The following SKIL variants were observed in gnomAD, a reference collection of about 807,000 sequenced individuals.
The protein encoded by SKIL is ski-like protein.
A neutral mutation model predicts 69.6 loss-of-function variants in SKIL; 20 were observed. The observed-to-expected ratio is 0.29, with a 90% CI of 0.20 to 0.42. The LOEUF is 0.42. Among genes scored for constraint, SKIL ranks in the 10% least tolerant of loss-of-function variants. The pLI is 1.00. For synonymous variants in SKIL, 310 were observed against 279.9 expected (o/e 1.11, Z -1.08); for missense variants, 745 against 783.1 (o/e 0.95, Z 0.58).
rs1194688041 is a variant in SKIL, at chr3:170,361,092, A to G, written c.761A>G (p.Gln254Arg). 1.2e-6 allele frequency: 2 copies of G among 1,614,250 alleles called. No individual in the cohort carries two copies. The highest frequency in any genetic ancestry group is 1.7e-6 in the Non-Finnish European group (2 of 1,180,034). The change falls in exon 2 of 7, where the codon CAG becomes CGG. Residue 254 changes from glutamine (Q) to arginine (R), a missense_variant. Gln to Arg is a conservative substitution (Grantham distance 43). Transcript: ENST00000259119. ...CTTCCTGCTAAAAGCTCATTGGCCCAGTTAAAGGAAACTGGCAGTGCCTTT... is the reference window on the plus strand; with the variant it reads ...CTTCCTGCTAAAAGCTCATTGGCCCGGTTAAAGGAAACTGGCAGTGCCTTT... ...SVLPAKSSLAQLKETGSAFEV... is the reference protein window; with the variant it reads ...SVLPAKSSLARLKETGSAFEV...
intron 2 of SKIL, among the ~76,000 whole-genome samples, chr3:170,375,957 A>T (rs1327659187): frequency 6.6e-6 from 1 of 152,124 alleles, no homozygotes; most frequent in African/African-American, 2.4e-5. Context: ...TTTCAGATAT[A>T]ACACTTATTT....
At chr3:170,357,913 G>A (rs62295834) in intron 1 of SKIL, 150 bp downstream of exon 1, 114,039 of 152,330 alleles carry the variant, frequency 0.75, 43,483 homozygotes, top group East Asian at 0.84. Context: ...CGAGTAGGGG[G>A]TTTGGATGCG....
intron 1 of SKIL, among the ~76,000 whole-genome samples, chr3:170,358,253 C>A (rs961627641): frequency 2.4e-4 from 37 of 152,036 alleles, no homozygotes; most frequent in African/African-American, 8.9e-4. Context: ...TGAGGTGACA[C>A]CCGAGAACTT....
intron 2 of SKIL, among the ~76,000 whole-genome samples, chr3:170,378,953 T>C (rs900170040): frequency 1.3e-5 from 2 of 151,998 alleles, no homozygotes; most frequent in African/African-American, 4.8e-5. Context: ...CTCGGCTTAC[T>C]GCAGCCTCCG....
intron 2 of SKIL, among the ~76,000 whole-genome samples, chr3:170,369,069 C>G (rs1229932926): frequency 7.0e-6 from 1 of 142,260 alleles, no homozygotes; most frequent in Non-Finnish European, 1.5e-5. Context: ...TGTGGACCCT[C>G]CCTATCCCTG....
rs570260129 is a variant in SKIL at position 170,395,850 on chromosome 3, C to T, written c.*3433C>T. 1.3e-5 allele frequency: 2 copies of T among 151,898 alleles called. No individual in the cohort carries two copies. The highest frequency in any genetic ancestry group is 2.1e-4 in the South Asian group (1 of 4,824). The allele number at this position is 151,898 out of a possible 1,614,324, so 9.4% of individuals were successfully genotyped here. ...GGAACTACTTGTTAATAGTTTTTAT[C>T]GAAGCTGTCAGCAATAAGGGACATA... On this transcript the variant is annotated 3_prime_UTR_variant, in exon 7 of 7. Transcript: ENST00000259119.
chr3:170,395,723 C>G lies in SKIL; in HGVS notation c.*3306C>G, dbSNP rs1027827609. 4 of 152,036 alleles carry G rather than the reference C, an allele frequency of 2.6e-5. No individual in the cohort carries two copies. The highest frequency in any genetic ancestry group is 5.9e-5 in the Non-Finnish European group (4 of 67,934). 9.4% of individuals were successfully genotyped at this position (152,036 alleles called of 1,614,324 possible). ...TGTTTTGATTACTTAGGGAAGATTC[C>G]TCATTTTTATTTGCCCTTTATGCAT... On this transcript the variant is annotated 3_prime_UTR_variant, in exon 7 of 7. Transcript: ENST00000259119.
chr3:170,366,706 CACACACACAT>C (rs1577413894), intron 2 of SKIL, among the ~76,000 whole-genome samples: 2 of 150,970 alleles, frequency 1.3e-5, no homozygotes, highest in East Asian at 3.9e-4. Flanking sequence ...GACACACACA[CACACACACAT>C]ACTTGATTTT....
chr3:170,365,015 C>A (rs1050523197), intron 2 of SKIL, among the ~76,000 whole-genome samples: 1 of 152,176 alleles, frequency 6.6e-6, no homozygotes, highest in Non-Finnish European at 1.5e-5. Flanking sequence ...TTCAAACACC[C>A]ATACTTTAAG....
At chr3:170,365,330 TCAATTTA>T (rs1736445750) in intron 2 of SKIL, among the ~76,000 whole-genome samples, 1 of 152,164 alleles carries the variant, frequency 6.6e-6, no homozygotes, top group South Asian at 2.1e-4. Context: ...ACTTTTCTTA[TCAATTTA>T]CCTTAGTACA....
rs951065333 is a variant in SKIL at position 170,371,809 on chromosome 3, C to T, written c.1099-9435C>T. ...TCTCCTGAGAACCTCAATTGAAAAC[C>T]GCCAGGAGGGTCATGAAATCAATTT... On this transcript the variant is annotated intron_variant, in intron 2 of 6. Coordinates refer to ENST00000259119, the MANE Select transcript of SKIL (RefSeq NM_005414.5). Among the ~76,000 whole-genome samples, 10 of 152,228 alleles carry T rather than the reference C, an allele frequency of 6.6e-5. No individual in the cohort carries two copies. In the East Asian group the frequency reaches 1.5e-3, roughly 23 times the overall value.
At chr3:170,375,711 A>G (rs1038401763) in intron 2 of SKIL, among the ~76,000 whole-genome samples, 7 of 152,142 alleles carry the variant, frequency 4.6e-5, no homozygotes, top group African/African-American at 1.7e-4. Flanking sequence ...AGTAGCTGAG[A>G]CTACAGGCAT....
chr3:170,382,718 A>T (rs1188741736), intron 3 of SKIL, among the ~76,000 whole-genome samples: 7 of 123,070 alleles, frequency 5.7e-5, no homozygotes, highest in African/African-American at 1.6e-4. Flanking sequence ...CGCAACTTCA[A>T]TTTTTTTTTT....
At chr3:170,375,770 G>C (rs1366766442) in intron 2 of SKIL, among the ~76,000 whole-genome samples, 1 of 151,924 alleles carries the variant, frequency 6.6e-6, no homozygotes, top group Non-Finnish European at 1.5e-5. Context: ...GTAGAGATGG[G>C]GGTCTCTCTA....
chr3:170,390,455 A>G lies in SKIL; in HGVS notation c.1662A>G (p.Gln554=). 6.2e-7 allele frequency: 1 copy of G among 1,608,650 alleles called. No homozygotes were observed. Among genetic ancestry groups the G allele is most frequent in the Non-Finnish European group, 8.5e-7 (1 of 1,175,366 alleles). ...KLNLILQKKQ[Q]LQMEVKMLSS... Reference sequence around the variant, plus strand: ...ACTTGATTTTGCAAAAGAAGCAACAACTTCAGATGGTAAAATTGTTATCTA... The same window carrying G: ...ACTTGATTTTGCAAAAGAAGCAACAGCTTCAGATGGTAAAATTGTTATCTA... The change falls in exon 5 of 7, where the codon CAA becomes CAG. Residue 554 remains glutamine, a synonymous_variant. Transcript: ENST00000259119.
chr3:170,360,077 C>G lies in SKIL; in HGVS notation c.-255C>G. 2.7e-6 allele frequency: 1 copy of G among 376,386 alleles called. No individual in the cohort carries two copies. The highest frequency in any genetic ancestry group is 4.7e-6 in the Non-Finnish European group (1 of 211,452). The allele number at this position is 376,386 out of a possible 1,614,324, so 23.3% of individuals were successfully genotyped here. A position where few individuals can be genotyped will look rare whatever the true frequency, so the allele number is the denominator to read the frequency against. ...GAATTCAAGAAAACAAAGGCATCCT[C>G]AGAGGTGTGCCTCTTTTCTTTATTA... On this transcript the variant is annotated 5_prime_UTR_variant, in exon 2 of 7. Coordinates refer to ENST00000259119, the MANE Select transcript of SKIL (RefSeq NM_005414.5).
chr3:170,365,411 A>G (rs894595795), intron 2 of SKIL, among the ~76,000 whole-genome samples: 1 of 152,152 alleles, frequency 6.6e-6, no homozygotes, highest in Non-Finnish European at 1.5e-5. Flanking sequence ...GAATGCTGAC[A>G]TGGCACTCAC....
At chr3:170,364,228 C>T (rs1285329883) in intron 2 of SKIL, among the ~76,000 whole-genome samples, 1 of 151,410 alleles carries the variant, frequency 6.6e-6, no homozygotes, top group Non-Finnish European at 1.5e-5. Context: ...GCTAGGATTA[C>T]AGGCGTGAGC....
rs1244575065 is a variant in SKIL, at chr3:170,391,244, C to T, written c.1880C>T (p.Ala627Val). The T allele has an allele frequency of 6.3e-7, 1 of 1,597,674 alleles. No individual in the cohort carries two copies. Among genetic ancestry groups the T allele is most frequent in the Non-Finnish European group, 8.6e-7 (1 of 1,166,518 alleles). ...TCAAATTTAGAAAAAGACAAAGAGG[C>T]TGAATATGCAGGACAGGTAAGAATT... ...CDSNLEKDKE[A>V]EYAGQLAELR... The change falls in exon 6 of 7, where the codon GCT (alanine) becomes GTT (valine). Residue 627 changes from alanine to valine, a missense_variant. Ala to Val is a moderately conservative substitution (Grantham distance 64, BLOSUM62 0). Coordinates refer to ENST00000259119, the MANE Select transcript of SKIL (RefSeq NM_005414.5).
Sources: gnomAD v4.1 joint callset for allele counts (sites outside exome capture counted in the v4.1 genomes callset) on GRCh38, gnomAD v4.1.1 for gene constraint, MANE v1.5 for transcripts, NCBI Gene and HGNC (gene_info 2026-07-23, HGNC 2026-07-21) for gene names.